Variants in SPOCD1 observed in about 807,000 individuals in gnomAD.
SPOCD1 encodes SPOC domain containing 1.
A neutral mutation model predicts 92.2 loss-of-function variants in SPOCD1; 64 were observed. The observed-to-expected ratio is 0.69, with a 90% CI of 0.57 to 0.86. The LOEUF is 0.86. Among genes scored for constraint, SPOCD1 ranks in the 40% least tolerant of loss-of-function variants. SPOCD1 has a pLI of 0.00. For missense variants in SPOCD1, 1,360 were observed against 1,543.1 expected (o/e 0.88, Z 1.99); for synonymous variants, 578 against 619.3 (o/e 0.93, Z 0.99).
intron 9 of SPOCD1, among the ~76,000 whole-genome samples, chr1:31,796,956 A>G (rs1284316433): frequency 6.6e-6 from 1 of 151,800 alleles, no homozygotes; most frequent in Non-Finnish European, 1.5e-5. Context: ...TTTCGCTTTC[A>G]CTCACAGGTC....
At position 31,792,206 on chromosome 1, in the gene SPOCD1, G is replaced by A. The variant is rs772599588; in HGVS notation, c.2962+9C>T. ...GAGGCAGGGTCTGGTATGGGGACTA[G>A]GCACTCACCTGGGCCCCCCAAAGGG... On this transcript the variant is annotated intron_variant, in intron 15 of 15. Coordinates refer to ENST00000360482, the MANE Select transcript of SPOCD1 (RefSeq NM_144569.7). 34 of 1,593,038 alleles carry A rather than the reference G, an allele frequency of 2.1e-5. No homozygotes were observed. The highest frequency in any genetic ancestry group is 2.9e-5 in the Non-Finnish European group (34 of 1,169,990).
In SPOCD1 at chr1:31,794,131, G is replaced by A. The variant is rs769407145; in HGVS notation, c.2376C>T (p.Ile792=). Reference sequence around the variant, plus strand: ...TCCCGTGTCCCCTCCCACCCTTGCAGATGTGGCAGTTGGGGTCTAAGAAGT... The same window carrying A: ...TCCCGTGTCCCCTCCCACCCTTGCAAATGTGGCAGTTGGGGTCTAAGAAGT... The part of the protein sequence containing the change: ...DHHFLDPNCH[I]CKDWEPSNEL... The change falls in exon 11 of 16, where the codon ATC becomes ATT. Residue 792 remains isoleucine, a synonymous_variant. Coordinates refer to ENST00000360482, the MANE Select transcript of SPOCD1 (RefSeq NM_144569.7). 2 of 1,613,652 alleles carry A rather than the reference G, an allele frequency of 1.2e-6. No homozygotes were observed. Among genetic ancestry groups the A allele is most frequent in the Admixed American group, 1.7e-5 (1 of 60,016 alleles).
rs767666456 is a variant in SPOCD1, at chr1:31,790,670, G to A, written c.3584C>T (p.Ala1195Val). Residue 1195 changes from alanine to valine, a missense_variant, in exon 16 of 16, where the codon GCC becomes GTC. By Grantham distance (64) the Ala-to-Val change is moderately conservative. This residue lies in a region of SPOCD1 where 614 missense variants were observed against 757.8 expected (regional missense o/e 0.81). Transcript: ENST00000360482. ...TGTAGGCCCCAAAGAGGAGTCACGG[G>A]CTGGGCCAGGGGGCTCTGGAGCTGC... ...ALAAPEPPGP[A>V]RDSSLGPTDE... 1.9e-6 allele frequency: 3 copies of A among 1,551,992 alleles called. No homozygotes were observed. Among genetic ancestry groups the A allele is most frequent in the South Asian group, 2.4e-5 (2 of 84,074 alleles).
intron 2 of SPOCD1, among the ~76,000 whole-genome samples, chr1:31,804,756 T>C (rs1403747676): frequency 1.3e-5 from 2 of 152,096 alleles, no homozygotes; most frequent in East Asian, 3.9e-4. Flanking sequence ...TAAATAAACA[T>C]TGATTGTATG....
chr1:31,791,317 T>C (rs761351325), intron 15 of SPOCD1, 26 bp from the exon 16 acceptor site: 2 of 1,471,490 alleles, frequency 1.4e-6, no homozygotes, highest in East Asian at 4.9e-5. Flanking sequence ...GTGTTCAGCT[T>C]AGCTGCAGCA....
chr1:31,811,241 G>A (rs1043497430), intron 2 of SPOCD1, among the ~76,000 whole-genome samples: 4 of 152,142 alleles, frequency 2.6e-5, no homozygotes, highest in Non-Finnish European at 4.4e-5. Context: ...GAAGGCCGAC[G>A]CAGCGGATCA....
At chr1:31,792,621 AG>A in intron 14 of SPOCD1, 56 bp downstream of exon 14, 1 of 1,393,146 alleles carries the variant, frequency 7.2e-7, no homozygotes, top group South Asian at 1.4e-5. Flanking sequence ...AGAAGTGGAG[AG>A]GGAGGTGGGA....
At chr1:31,796,972 A>G (rs537134482) in intron 9 of SPOCD1, among the ~76,000 whole-genome samples, 31 of 152,104 alleles carry the variant, frequency 2.0e-4, no homozygotes, top group Non-Finnish European at 3.7e-4. Flanking sequence ...AGGTCAATTC[A>G]ACCTCTGACG....
chr1:31,809,463 TG>T (rs1196026276), intron 2 of SPOCD1, among the ~76,000 whole-genome samples: 1 of 151,474 alleles, frequency 6.6e-6, no homozygotes, highest in African/African-American at 2.4e-5. Context: ...AAATATTCCC[TG>T]GAGATACCCC....
At chr1:31,808,719 G>A (rs1649001839) in intron 2 of SPOCD1, among the ~76,000 whole-genome samples, 1 of 152,022 alleles carries the variant, frequency 6.6e-6, no homozygotes, top group Non-Finnish European at 1.5e-5. Flanking sequence ...GAAGGGAAGA[G>A]AGATGTAAAG....
At position 31,814,227 on chromosome 1, in the gene SPOCD1, C is replaced by G; in HGVS notation, c.1107G>C (p.Gln369His). ...QDQEELEAKA[Q>H]PASRGRLEQG... ...GCTCCAGCCTTCCCCTGGAAGCTGG[C>G]TGAGCCTTGGCCTCCAGCTCCTCCT... Residue 369 changes from glutamine to histidine, a missense_variant, in exon 2 of 16, where the codon CAG (glutamine) becomes CAC (histidine). Transcript: ENST00000360482. This position sits in a 1 kb window ranked among gnomAD's most constrained non-coding sequence, Gnocchi z 4.2. 6.3e-7 allele frequency: 1 copy of G among 1,581,898 alleles called. No homozygotes were observed. Among genetic ancestry groups the G allele is most frequent in the Non-Finnish European group, 8.6e-7 (1 of 1,163,404 alleles).
rs538897768 is a variant in SPOCD1, at chr1:31,799,314, A to C, written c.1868+87T>G. 8.6e-5 allele frequency: 102 copies of C among 1,187,650 alleles called. 1 individual carries two copies. In the South Asian group the frequency reaches 1.3e-3, roughly 15 times the overall value. 73.6% of individuals were successfully genotyped at this position (1,187,650 alleles called of 1,614,324 possible). On this transcript the variant is annotated intron_variant, in intron 7 of 15. Coordinates refer to ENST00000360482, the MANE Select transcript of SPOCD1 (RefSeq NM_144569.7). ...AAATGGGGTTAGCCAGACACCCAGA[A>C]GCCCTTAGAACATGGCAGGGCCCCG...
At chr1:31,812,420 C>T (rs773447295) in intron 2 of SPOCD1, among the ~76,000 whole-genome samples, 14 of 152,134 alleles carry the variant, frequency 9.2e-5, no homozygotes, top group African/African-American at 2.2e-4. Flanking sequence ...AGATCAAATT[C>T]GGCAGAACAA....
chr1:31,790,680 G>A lies in SPOCD1; in HGVS notation c.3574C>T (p.Pro1192Ser). The A allele has an allele frequency of 6.4e-7, 1 of 1,551,960 alleles. No homozygotes were observed. Among genetic ancestry groups the A allele is most frequent in the African/African-American group, 1.4e-5 (1 of 73,198 alleles). ...LSSALAAPEP[P>S]GPARDSSLGP... ...AAAGAGGAGTCACGGGCTGGGCCAGGGGGCTCTGGAGCTGCAAGGGCGCTA... is the reference window on the plus strand; with the variant it reads ...AAAGAGGAGTCACGGGCTGGGCCAGAGGGCTCTGGAGCTGCAAGGGCGCTA... Residue 1192 changes from proline to serine, a missense_variant, in exon 16 of 16, where the codon CCT becomes TCT. Pro to Ser is a moderately conservative substitution (Grantham distance 74). Around this residue, in one of 3 missense-constraint regions of SPOCD1, gnomAD observed 614 missense variants for 757.8 expected, o/e 0.81. Transcript: ENST00000360482.
At position 31,792,219 on chromosome 1, in the gene SPOCD1, GC is replaced by G. The variant is rs759218025; in HGVS notation, c.2957del (p.Gly986AlafsTer74). The G allele has an allele frequency of 6.2e-7, 1 of 1,600,974 alleles. No individual in the cohort carries two copies. Among genetic ancestry groups the G allele is most frequent in the Non-Finnish European group, 8.5e-7 (1 of 1,173,894 alleles). ...GTATGGGGACTAGGCACTCACCTGG[GC>G]CCCCCAAAGGGCGCAGCCTGGTGGG... Reference protein sequence around the residue: ...PLPTRLRPLGGPGLWALPVSP... With the variant: ...PLPTRLRPLGXPGLWALPVSP... On this transcript the variant is annotated frameshift_variant, in exon 15 of 16. Coordinates refer to ENST00000360482, the MANE Select transcript of SPOCD1 (RefSeq NM_144569.7). LOFTEE classifies it low-confidence loss of function (END_TRUNC).
rs574126264 is a variant in SPOCD1 at position 31,805,273 on chromosome 1, G to A, written c.1384-3568C>T. ...TGCTGGGATCACAGGTGTGAGCCCC[G>A]AGCCCGGCCTGTGCTCAAATTTCTA... On this transcript the variant is annotated intron_variant, in intron 2 of 15. Coordinates refer to ENST00000360482, the MANE Select transcript of SPOCD1 (RefSeq NM_144569.7). Among the ~76,000 whole-genome samples the A allele has an allele frequency of 4.0e-5, 6 of 151,890 alleles. No individual in the cohort carries two copies. In the East Asian group the frequency reaches 7.7e-4, roughly 20 times the overall value.
rs368018482 is a variant in SPOCD1 at position 31,800,572 on chromosome 1, C to T, written c.1471G>A (p.Gly491Ser). ...GGTGGCAGCTGCCCCCCTGCCTGGCCGTGGCTGATGGCCCCCAGGAGCTGG... is the reference window on the plus strand; with the variant it reads ...GGTGGCAGCTGCCCCCCTGCCTGGCTGTGGCTGATGGCCCCCAGGAGCTGG... ...VIQLLGAISH[G>S]QAGGQLPPKL... Residue 491 changes from glycine to serine, a missense_variant, in exon 4 of 16, where the codon GGC becomes AGC. Physicochemically the swap from Gly to Ser is moderately conservative, Grantham distance 56. Around this residue, in one of 3 missense-constraint regions of SPOCD1, gnomAD observed 606 missense variants for 601.5 expected, o/e 1.01. Transcript: ENST00000360482. 13 of 1,610,510 alleles carry T rather than the reference C, an allele frequency of 8.1e-6. No homozygotes were observed. The highest frequency in any genetic ancestry group is 3.3e-5 in the Admixed American group (2 of 59,712).
chr1:31,799,506 A>C, intron 6 of SPOCD1, 21 bp from the exon 7 acceptor site: 1 of 1,599,088 alleles, frequency 6.3e-7, no homozygotes, highest in Non-Finnish European at 8.5e-7. Flanking sequence ...AGAGCGTCAC[A>C]GGCTCCCAGG....
Position 31,799,835 on chromosome 1 carries a change from G to A in SPOCD1, c.1757C>T (p.Ser586Phe). ...TGAGTCCTCTGGCTGCTCCGGAAGA[G>A]AATCCTCTTCAGCCTCCATTGGGCC... Reference protein sequence around the residue: ...QSGPMEAEEDSLPEQPEDSAQ... With the variant: ...QSGPMEAEEDFLPEQPEDSAQ... The change falls in exon 6 of 16, where the codon TCT becomes TTT. Residue 586 changes from serine (S) to phenylalanine (F), a missense_variant. Ser to Phe is a radical substitution (Grantham distance 155, BLOSUM62 -2). Transcript: ENST00000360482. 2 of 1,614,096 alleles carry A rather than the reference G, an allele frequency of 1.2e-6. No individual in the cohort carries two copies. The highest frequency in any genetic ancestry group is 1.7e-6 in the Non-Finnish European group (2 of 1,180,016).
Sources: allele counts gnomAD v4.1 joint callset (sites outside exome capture counted in the v4.1 genomes callset), GRCh38; gene constraint gnomAD v4.1.1; regional missense constraint gnomAD v4.1.1; non-coding constraint Gnocchi (gnomAD v3.1); transcripts MANE v1.5; gene names NCBI Gene and HGNC (gene_info 2026-07-23, HGNC 2026-07-21).